Variants in TRAPPC12 observed in about 807,000 individuals in gnomAD.
TRAPPC12 encodes TPR repeat protein 15.
Under a neutral mutation model 69.2 loss-of-function variants are expected in TRAPPC12, and 61 were observed. The ratio of observed to expected loss-of-function variants is 0.88; its 90% CI spans 0.72 to 1.09. The LOEUF is 1.09. Among genes scored for constraint, TRAPPC12 ranks in the 50% least tolerant of loss-of-function variants. TRAPPC12 has a pLI of 0.00. For synonymous variants in TRAPPC12, 469 were observed against 438.9 expected (o/e 1.07, Z -0.86); for missense variants, 1,101 against 1,016.4 (o/e 1.08, Z -1.13).
chr2:3,434,462 A>T (rs1663639348), intron 5 of TRAPPC12, among the ~76,000 whole-genome samples: 2 of 152,208 alleles, frequency 1.3e-5, no homozygotes, highest in Admixed American at 1.3e-4. Context: ...CCTGTGCAAG[A>T]CTTTTTCAAT....
At position 3,388,717 on chromosome 2, in the gene TRAPPC12, T is replaced by TATCTCTGCA. The variant is rs1419642153; in HGVS notation, c.1047+47_1047+48insATCTCTGCA. 2.1e-5 allele frequency: 31 copies of TATCTCTGCA among 1,473,776 alleles called. 1 individual carries two copies. The highest frequency in any genetic ancestry group is 4.5e-6 in the Non-Finnish European group (5 of 1,104,280). The allele number at this position is 1,473,776 out of a possible 1,614,324, so 91.3% of individuals were successfully genotyped here. ...CCGCAGCCCGTGCCTCCTCTCTGCG[T>TATCTCTGCA]CTGTGAGATACGCACAGTGCCCCTT... is the stretch of plus-strand genomic sequence containing the variant. On this transcript the variant is annotated intron_variant, in intron 2 of 11. Transcript: ENST00000324266.
intron 9 of TRAPPC12, among the ~76,000 whole-genome samples, chr2:3,475,866 C>T (rs1015418672): frequency 2.0e-5 from 3 of 152,204 alleles, no homozygotes; most frequent in African/African-American, 7.2e-5. Context: ...GAGGGTCAGG[C>T]GAGCTGTGCT....
At chr2:3,396,103 G>A in intron 2 of TRAPPC12, among the ~76,000 whole-genome samples, 1 of 152,138 alleles carries the variant, frequency 6.6e-6, no homozygotes, top group East Asian at 1.9e-4. Context: ...GACCTCAAGT[G>A]ATCTGCCCAC....
At chr2:3,469,557 G>A (rs1020871289) in intron 9 of TRAPPC12, among the ~76,000 whole-genome samples, 1 of 152,196 alleles carries the variant, frequency 6.6e-6, no homozygotes, top group Non-Finnish European at 1.5e-5. Flanking sequence ...CCAGGATGCC[G>A]TAGCACGTCA....
intron 1 of TRAPPC12, among the ~76,000 whole-genome samples, chr2:3,383,889 T>G (rs1660362789): frequency 1.0e-4 from 2 of 19,294 alleles, no homozygotes; most frequent in African/African-American, 4.0e-4. Flanking sequence ...TTTTTTTTTT[T>G]TTTTTTTTTT....
At chr2:3,460,723 AAC>A (rs1286345475) in intron 8 of TRAPPC12, 1 of 187,890 alleles carries the variant, frequency 5.3e-6, no homozygotes, top group African/African-American at 2.4e-5. Flanking sequence ...TGATGCTTAC[AAC>A]ACCTGAAGAC....
intron 9 of TRAPPC12, among the ~76,000 whole-genome samples, chr2:3,466,088 A>G (rs1189630669): frequency 2.0e-5 from 3 of 152,256 alleles, no homozygotes; most frequent in Non-Finnish European, 2.9e-5. Flanking sequence ...TGGACAGACA[A>G]AGTCCAGACT....
At chr2:3,455,246 A>C (rs1008743062) in intron 6 of TRAPPC12, 1 of 152,236 alleles carries the variant, frequency 6.6e-6, no homozygotes, top group Non-Finnish European at 1.5e-5. Flanking sequence ...TAATTTTTGT[A>C]GATACATAGT....
In TRAPPC12 at chr2:3,443,806, T is replaced by C. The variant is rs150167013; in HGVS notation, c.1445T>C (p.Ile482Thr). ...TCCATGGTCCCCTTCTCGATGCGCA[T>C]CTTGCACGCGGAGCTTCAGCAGTAC... is the stretch of plus-strand genomic sequence containing the variant. ...RGSMVPFSMR[I>T]LHAELQQYLG... The change falls in exon 6 of 12, where the codon ATC becomes ACC. Residue 482 changes from isoleucine to threonine, a missense_variant. Ile to Thr is a moderately conservative substitution (Grantham distance 89). Transcript: ENST00000324266. The C allele has an allele frequency of 1.5e-3, 2,459 of 1,614,120 alleles. 1 individual carries two copies. Among genetic ancestry groups the C allele is most frequent in the Non-Finnish European group, 1.5e-3 (1,733 of 1,180,024 alleles).
chr2:3,410,138 T>C (rs1457466648), intron 3 of TRAPPC12, among the ~76,000 whole-genome samples: 1 of 152,248 alleles, frequency 6.6e-6, no homozygotes, highest in Non-Finnish European at 1.5e-5. Context: ...TGTGTAGATA[T>C]GACTGCATGT....
intron 6 of TRAPPC12, among the ~76,000 whole-genome samples, chr2:3,449,874 G>A (rs1664757979): frequency 6.6e-6 from 1 of 152,184 alleles, no homozygotes; most frequent in Admixed American, 6.5e-5. Flanking sequence ...ATGACTGGCA[G>A]GTGGGGAGAA....
intron 7 of TRAPPC12, chr2:3,458,545 G>T (rs1305079333): frequency 1.3e-6 from 1 of 772,320 alleles, no homozygotes; most frequent in East Asian, 1.3e-4. Flanking sequence ...GTGGATGTTG[G>T]GTGTGCATGC....
At chr2:3,419,128 C>T (rs1053536066) in intron 3 of TRAPPC12, among the ~76,000 whole-genome samples, 8 of 152,210 alleles carry the variant, frequency 5.3e-5, no homozygotes, top group Non-Finnish European at 1.2e-4. Flanking sequence ...CTGATTAACT[C>T]CTGCCTGTCC....
At chr2:3,399,729 A>G (rs1057078412) in intron 2 of TRAPPC12, among the ~76,000 whole-genome samples, 7 of 152,092 alleles carry the variant, frequency 4.6e-5, no homozygotes, top group Non-Finnish European at 8.8e-5. Flanking sequence ...TTTAAGTGTC[A>G]CTATTTTGAA....
chr2:3,435,432 G>C (rs902416712), intron 5 of TRAPPC12, among the ~76,000 whole-genome samples: 3 of 152,106 alleles, frequency 2.0e-5, no homozygotes, highest in Non-Finnish European at 2.9e-5. Context: ...CTACATTAGC[G>C]CTAGTTTTAA....
At chr2:3,435,797 T>C (rs1663739159) in intron 5 of TRAPPC12, among the ~76,000 whole-genome samples, 1 of 152,222 alleles carries the variant, frequency 6.6e-6, no homozygotes, top group Non-Finnish European at 1.5e-5. Flanking sequence ...AATATATATC[T>C]AATGAGGGAC....
At chr2:3,412,372 G>A (rs1224597426) in intron 3 of TRAPPC12, among the ~76,000 whole-genome samples, 2 of 152,100 alleles carry the variant, frequency 1.3e-5, no homozygotes, top group Non-Finnish European at 2.9e-5. Context: ...GACCAGCCTG[G>A]CCAACATGGT....
Position 3,457,774 on chromosome 2 carries a change from C to T in TRAPPC12, c.1603+81C>T, listed in dbSNP as rs573558489. Reference sequence around the variant, plus strand: ...AGCCCAAAGCCTCTCGCTTCCTCTCCTTCTCCTTTCCTTTCTGTAGTCAGC... The same window carrying T: ...AGCCCAAAGCCTCTCGCTTCCTCTCTTTCTCCTTTCCTTTCTGTAGTCAGC... On this transcript the variant is annotated intron_variant, in intron 7 of 11. Coordinates refer to ENST00000324266, the MANE Select transcript of TRAPPC12 (RefSeq NM_016030.6). 5 of 1,563,166 alleles carry T rather than the reference C, an allele frequency of 3.2e-6. No individual in the cohort carries two copies. In the South Asian group the frequency reaches 6.0e-5, roughly 19 times the overall value.
intron 6 of TRAPPC12, among the ~76,000 whole-genome samples, chr2:3,448,885 G>A (rs1664700536): frequency 6.6e-6 from 1 of 152,046 alleles, no homozygotes; most frequent in Admixed American, 6.5e-5. Context: ...CCCCTGTGTT[G>A]AAGATTCATC....
Sources: gnomAD v4.1 joint callset for allele counts (sites outside exome capture counted in the v4.1 genomes callset) on GRCh38, gnomAD v4.1.1 for gene constraint, MANE v1.5 for transcripts, NCBI Gene and HGNC (gene_info 2026-07-23, HGNC 2026-07-21) for gene names.